Variants in PDGFC observed in about 807,000 individuals in gnomAD.
PDGFC encodes the protein platelet-derived growth factor C.
PDGFC carries 12 observed loss-of-function variants against 35.5 expected under a neutral mutation model. The observed-to-expected ratio is 0.34, with a 90% CI of 0.22 to 0.55. The LOEUF (loss-of-function observed/expected upper bound fraction) is 0.55. Among genes scored for constraint, PDGFC ranks in the 20% least tolerant of loss-of-function variants. PDGFC has a pLI of 0.91. For missense variants in PDGFC, 322 were observed against 412.4 expected, an observed-to-expected ratio of 0.78 and a Z score of 1.90; for synonymous variants, 159 against 148.8, an observed-to-expected ratio of 1.07 and a Z score of -0.50.
chr4:156,778,880 TAA>T (rs1391227330), intron 3 of PDGFC, among the ~76,000 whole-genome samples: 1 of 152,240 alleles, frequency 6.6e-6, no homozygotes, highest in Non-Finnish European at 1.5e-5. Context: ...TTCAAACTGA[TAA>T]AGTTTTCAAT....
chr4:156,790,467 G>C (rs1182123423), intron 3 of PDGFC, among the ~76,000 whole-genome samples: 4 of 152,164 alleles, frequency 2.6e-5, no homozygotes, highest in African/African-American at 9.7e-5. Context: ...CATTTTGTTT[G>C]GGAGGAAAGG....
At chr4:156,920,692 T>G (rs867717649) in intron 1 of PDGFC, among the ~76,000 whole-genome samples, 331 of 126,436 alleles carry the variant, frequency 2.6e-3, no homozygotes, top group African/African-American at 9.2e-3. Context: ...CACACACACA[T>G]ATACACACAC....
intron 1 of PDGFC, among the ~76,000 whole-genome samples, chr4:156,893,841 T>C (rs1408979022): frequency 6.6e-6 from 1 of 152,142 alleles, no homozygotes. Flanking sequence ...TATAGACATA[T>C]TATACATAAA....
chr4:156,921,784 G>T (rs771144509), intron 1 of PDGFC, among the ~76,000 whole-genome samples: 3 of 152,060 alleles, frequency 2.0e-5, no homozygotes, highest in Non-Finnish European at 4.4e-5. Context: ...ACAGATAACT[G>T]TTTCTACTGA....
chr4:156,962,895 A>G (rs1015525170), intron 1 of PDGFC, among the ~76,000 whole-genome samples: 2 of 152,156 alleles, frequency 1.3e-5, no homozygotes, highest in African/African-American at 4.8e-5. Flanking sequence ...AAGCTTACTC[A>G]GAGCCCTTTA....
chr4:156,844,375 C>T (rs1729275764), intron 2 of PDGFC, among the ~76,000 whole-genome samples: 2 of 151,964 alleles, frequency 1.3e-5, no homozygotes, highest in Non-Finnish European at 2.9e-5. Flanking sequence ...AGAAAACAAG[C>T]TAAATGAATG....
chr4:156,824,091 G>C (rs1398447601), intron 2 of PDGFC, among the ~76,000 whole-genome samples: 1 of 151,760 alleles, frequency 6.6e-6, no homozygotes, highest in Non-Finnish European at 1.5e-5. Context: ...TGGAATGGAT[G>C]AGGAAAGAGA....
At position 156,971,179 on chromosome 4, in the gene PDGFC, G is replaced by A; in HGVS notation, c.-276C>T. The A allele has an allele frequency of 2.3e-6, 1 of 437,842 alleles. No homozygotes were observed. Among genetic ancestry groups the A allele is most frequent in the Non-Finnish European group, 4.0e-6 (1 of 247,852 alleles). 27.1% of individuals were successfully genotyped at this position (437,842 alleles called of 1,614,324 possible). On this transcript the variant is annotated 5_prime_UTR_variant, in exon 1 of 6. Transcript: ENST00000502773. ...AACAAATCCTGAGCTGTGGCGAAGTGGTGGGGGTGGGGGTGAAGGCGAGGG... is the reference window on the plus strand; with the variant it reads ...AACAAATCCTGAGCTGTGGCGAAGTAGTGGGGGTGGGGGTGAAGGCGAGGG...
intron 1 of PDGFC, among the ~76,000 whole-genome samples, chr4:156,872,859 G>T (rs74998579): frequency 0.031 from 4,697 of 152,250 alleles, 121 homozygotes; most frequent in Non-Finnish European, 0.042. Context: ...AGCCAGGTGC[G>T]ATGGCTCATG....
chr4:156,905,782 A>G (rs1418035307), intron 1 of PDGFC, among the ~76,000 whole-genome samples: 1 of 147,086 alleles, frequency 6.8e-6, no homozygotes, highest in Non-Finnish European at 1.5e-5. Flanking sequence ...TAATTACATT[A>G]GAAAGATTAT....
intron 1 of PDGFC, among the ~76,000 whole-genome samples, chr4:156,921,621 T>G (rs939286093): frequency 6.6e-6 from 1 of 152,192 alleles, no homozygotes; most frequent in African/African-American, 2.4e-5. Context: ...AAATATGTTT[T>G]CAGTATGACA....
At chr4:156,895,822 A>G (rs894587) in intron 1 of PDGFC, among the ~76,000 whole-genome samples, 164 of 152,278 alleles carry the variant, frequency 1.1e-3, no homozygotes, top group African/African-American at 3.7e-3. Context: ...GAGTAAGTGA[A>G]CAGTTAAGAA....
intron 1 of PDGFC, among the ~76,000 whole-genome samples, chr4:156,854,557 T>A (rs796922369): frequency 9.9e-5 from 15 of 152,266 alleles, no homozygotes; most frequent in African/African-American, 2.6e-4. Flanking sequence ...CAAACACTTA[T>A]GATTTGCAGA....
At chr4:156,807,892 A>G (rs777375619) in intron 3 of PDGFC, among the ~76,000 whole-genome samples, 2 of 152,100 alleles carry the variant, frequency 1.3e-5, no homozygotes, top group Non-Finnish European at 2.9e-5. Context: ...TGAAAAGTAG[A>G]TAATGTTAAC....
intron 3 of PDGFC, among the ~76,000 whole-genome samples, chr4:156,787,720 T>C (rs984319931): frequency 4.0e-5 from 6 of 151,868 alleles, no homozygotes; most frequent in Admixed American, 2.6e-4. Flanking sequence ...AAGAGATGAA[T>C]GAGATGGAGT....
intron 2 of PDGFC, among the ~76,000 whole-genome samples, chr4:156,839,958 G>C (rs187638191): frequency 6.6e-6 from 1 of 152,110 alleles, no homozygotes; most frequent in Non-Finnish European, 1.5e-5. Flanking sequence ...AGATTATGTA[G>C]AGTATCTGGT....
intron 1 of PDGFC, among the ~76,000 whole-genome samples, chr4:156,936,333 G>A (rs1167042189): frequency 6.6e-6 from 1 of 152,210 alleles, no homozygotes; most frequent in African/African-American, 2.4e-5. Flanking sequence ...GAAACTCTCA[G>A]AGGAGAATTT....
intron 3 of PDGFC, chr4:156,779,255 G>A (rs1423923862): frequency 4.5e-6 from 2 of 442,740 alleles, no homozygotes; most frequent in Non-Finnish European, 9.1e-6. Context: ...AAGTTATCTG[G>A]GTCATGTTTT....
At chr4:156,856,459 T>G (rs969977783) in intron 1 of PDGFC, among the ~76,000 whole-genome samples, 2 of 152,166 alleles carry the variant, frequency 1.3e-5, no homozygotes, top group African/African-American at 4.8e-5. Context: ...CTGGACCAGC[T>G]ATACTAGTAA....
Sources: gnomAD v4.1 joint callset for allele counts (sites outside exome capture counted in the v4.1 genomes callset) on GRCh38, gnomAD v4.1.1 for gene constraint, MANE v1.5 for transcripts, NCBI Gene and HGNC (gene_info 2026-07-23, HGNC 2026-07-21) for gene names.